ANKRD11: variants seen among roughly 807,000 people sequenced by gnomAD.
The protein encoded by ANKRD11 is ankyrin repeat domain 11.
ANKRD11 carries 17 observed loss-of-function variants against 195.7 expected under a neutral mutation model. The ratio of observed to expected loss-of-function variants is 0.09; its 90% CI spans 0.06 to 0.13. The LOEUF is 0.13. ANKRD11 is among the 10% of genes least tolerant of loss of function. ANKRD11 has a pLI of 1.00. For missense variants in ANKRD11, 3,735 were observed against 3,566.1 expected (o/e 1.05, Z -1.21); for synonymous variants, 1,953 against 1,528.1 (o/e 1.28, Z -6.49).
At chr16:89,484,839 AG>A (rs1245400089) in intron 1 of ANKRD11, among the ~76,000 whole-genome samples, 1 of 152,248 alleles carries the variant, frequency 6.6e-6, no homozygotes, top group African/African-American at 2.4e-5. Context: ...AATAATGAAC[AG>A]GTACACATTG....
chr16:89,304,601 C>T (rs1022167434), intron 4 of ANKRD11, among the ~76,000 whole-genome samples: 11 of 150,722 alleles, frequency 7.3e-5, no homozygotes, highest in Non-Finnish European at 1.2e-4. Flanking sequence ...CACACACGGG[C>T]ACACACACGG....
At chr16:89,442,251 G>A (rs534969417) in intron 1 of ANKRD11, among the ~76,000 whole-genome samples, 11 of 152,308 alleles carry the variant, frequency 7.2e-5, no homozygotes, top group East Asian at 1.9e-4. Context: ...TCATGTCTAC[G>A]CTTTCCTCAC....
At chr16:89,288,738 C>A in intron 6 of ANKRD11, 68 bp from the exon 7 acceptor site, 3 of 1,605,930 alleles carry the variant, frequency 1.9e-6, no homozygotes, top group South Asian at 1.1e-5. Context: ...CTGGAGGCAG[C>A]GCCCTGAGGA....
At chr16:89,312,661 G>A (rs535420078) in intron 3 of ANKRD11, among the ~76,000 whole-genome samples, 2 of 152,330 alleles carry the variant, frequency 1.3e-5, no homozygotes, top group South Asian at 2.1e-4. Flanking sequence ...AGCGGTCTCA[G>A]GGGTGTGTGA....
intron 1 of ANKRD11, among the ~76,000 whole-genome samples, chr16:89,421,943 C>A (rs1294118178): frequency 1.3e-5 from 2 of 152,106 alleles, no homozygotes; most frequent in Non-Finnish European, 2.9e-5. Context: ...AGATGATAAC[C>A]CAGGTGCTAA....
chr16:89,327,923 G>A (rs1044177513), intron 2 of ANKRD11, among the ~76,000 whole-genome samples: 1 of 152,186 alleles, frequency 6.6e-6, no homozygotes, highest in Non-Finnish European at 1.5e-5. Context: ...CTCTTTGAAA[G>A]ACCTAGTTTA....
At chr16:89,457,898 A>C (rs959067956) in intron 1 of ANKRD11, among the ~76,000 whole-genome samples, 3 of 152,154 alleles carry the variant, frequency 2.0e-5, no homozygotes, top group Non-Finnish European at 2.9e-5. Context: ...GAATGGAGCC[A>C]CGCGAACCAA....
At position 89,284,156 on chromosome 16, in the gene ANKRD11, T is replaced by C; in HGVS notation, c.2386A>G (p.Lys796Glu). The C allele has an allele frequency of 6.2e-7, 1 of 1,604,824 alleles. No homozygotes were observed. The highest frequency in any genetic ancestry group is 8.5e-7 in the Non-Finnish European group (1 of 1,177,386). ...TTTTTGAGTTTTTCTTTATCTTCTT[T>C]AAAAATCTTCTCCTTCTCTTTTGAA... is the stretch of plus-strand genomic sequence containing the variant. ...KISKEKEKIFKEDKEKLKKEK... is the reference protein window; with the variant it reads ...KISKEKEKIFEEDKEKLKKEK... Residue 796 changes from lysine (K) to glutamate (E), a missense_variant, in exon 9 of 13, where the codon AAA becomes GAA. Lys to Glu is a moderately conservative substitution (Grantham distance 56). Transcript: ENST00000301030.
At chr16:89,419,411 C>T (rs1210624786) in intron 1 of ANKRD11, among the ~76,000 whole-genome samples, 2 of 150,944 alleles carry the variant, frequency 1.3e-5, no homozygotes, top group East Asian at 3.9e-4. Context: ...TGAGACTGCA[C>T]CACTGCACTC....
chr16:89,459,611 C>T (rs1257136515), intron 1 of ANKRD11, among the ~76,000 whole-genome samples: 3 of 152,112 alleles, frequency 2.0e-5, no homozygotes, highest in African/African-American at 7.2e-5. Flanking sequence ...AAAACTGATT[C>T]CTAGTACTGT....
chr16:89,476,949 G>A (rs964509179), intron 1 of ANKRD11, among the ~76,000 whole-genome samples: 7 of 152,146 alleles, frequency 4.6e-5, no homozygotes, highest in Admixed American at 2.6e-4. Flanking sequence ...CACATGATAT[G>A]GTAACAATCT....
intron 1 of ANKRD11, among the ~76,000 whole-genome samples, chr16:89,449,143 G>T (rs2043943524): frequency 7.2e-6 from 1 of 138,524 alleles, no homozygotes; most frequent in Admixed American, 7.6e-5. Context: ...TTGAGCCCAG[G>T]AATTTAAGAC....
intron 2 of ANKRD11, among the ~76,000 whole-genome samples, chr16:89,344,421 G>C (rs1367376256): frequency 6.6e-6 from 1 of 152,048 alleles, no homozygotes. Flanking sequence ...CCCCGTCAGG[G>C]CCAACACGGG....
chr16:89,358,280 C>G (rs932702765), intron 2 of ANKRD11, among the ~76,000 whole-genome samples: 5 of 152,278 alleles, frequency 3.3e-5, no homozygotes, highest in Non-Finnish European at 7.3e-5. Flanking sequence ...GTAGAGCACA[C>G]AGGCGTGTTC....
At chr16:89,440,456 A>C (rs2043401010) in intron 1 of ANKRD11, among the ~76,000 whole-genome samples, 1 of 152,182 alleles carries the variant, frequency 6.6e-6, no homozygotes, top group Non-Finnish European at 1.5e-5. Flanking sequence ...CAATAAAAAC[A>C]GAATAAAAAC....
chr16:89,302,899 G>C (rs1355869180), intron 4 of ANKRD11, among the ~76,000 whole-genome samples: 1 of 152,166 alleles, frequency 6.6e-6, no homozygotes, highest in African/African-American at 2.4e-5. Context: ...CCAGGGCTGT[G>C]GCAGAAAATA....
chr16:89,372,027 G>A (rs573693132), intron 2 of ANKRD11, among the ~76,000 whole-genome samples: 2 of 152,326 alleles, frequency 1.3e-5, no homozygotes, highest in South Asian at 2.1e-4. Flanking sequence ...ACATGGTGAA[G>A]CCAGGACTGA....
intron 1 of ANKRD11, among the ~76,000 whole-genome samples, chr16:89,432,749 AG>A (rs1200935730): frequency 6.6e-6 from 1 of 152,134 alleles, no homozygotes; most frequent in Non-Finnish European, 1.5e-5. Flanking sequence ...GTTCAAGACC[AG>A]CCTGGGCAAC....
chr16:89,308,898 C>T (rs74033741), intron 3 of ANKRD11, among the ~76,000 whole-genome samples: 1,776 of 152,264 alleles, frequency 0.012, 31 homozygotes, highest in African/African-American at 0.041. Flanking sequence ...ACAGGAGGTG[C>T]GCGCAGCCTC....
Sources: allele counts gnomAD v4.1 joint callset (sites outside exome capture counted in the v4.1 genomes callset), GRCh38; gene constraint gnomAD v4.1.1; transcripts MANE v1.5; gene names NCBI Gene and HGNC (gene_info 2026-07-23, HGNC 2026-07-21).